Variants in SLF2 observed in about 807,000 individuals in gnomAD.
The protein encoded by SLF2 is SMC5/6 complex localization factor 2, also known as SMC5-SMC6 complex localization factor protein 2.
In SLF2, 68 loss-of-function variants were observed where a neutral mutation model predicts 124.3. The ratio of observed to expected loss-of-function variants is 0.55; its 90% CI spans 0.45 to 0.67. The LOEUF is 0.67. Ranked by LOEUF, SLF2 falls within the 30% of genes least tolerant of loss-of-function variation. The pLI is 0.00. For synonymous variants in SLF2, 480 were observed against 478.8 expected (o/e 1.00, Z -0.03); for missense variants, 1,246 against 1,373.7 (o/e 0.91, Z 1.47).
Position 100,924,458 on chromosome 10 carries a change from T to G in SLF2, c.1457T>G (p.Leu486Arg). 1 of 1,614,160 alleles carries G rather than the reference T, an allele frequency of 6.2e-7. No homozygotes were observed. Among genetic ancestry groups the G allele is most frequent in the Non-Finnish European group, 8.5e-7 (1 of 1,180,028 alleles). Residue 486 changes from leucine (L) to arginine (R), a missense_variant, in exon 5 of 20, where the codon CTA becomes CGA. Physicochemically the swap from Leu to Arg is moderately radical, Grantham distance 102. Around this residue, in one of 3 missense-constraint regions of SLF2, gnomAD observed 698 missense variants for 708.9 expected, o/e 0.98. Transcript: ENST00000238961. The part of the protein sequence containing the change: ...LSRVPSAGSS[L>R]VPLNAKNCAL... The stretch of plus-strand genomic sequence containing the variant: ...CGTGTTCCAAGTGCTGGTTCCTCTC[T>G]AGTACCATTAAATGCTAAAAATTGT...
In SLF2 at chr10:100,917,002, C is replaced by T. The variant is rs778821263; in HGVS notation, c.617C>T (p.Ala206Val). 8.7e-6 allele frequency: 14 copies of T among 1,613,996 alleles called. No individual in the cohort carries two copies. In the South Asian group the frequency reaches 1.5e-4, roughly 18 times the overall value. ...DSKKQTTVAE[A>V]DIFNNSSRSL... The stretch of plus-strand genomic sequence containing the variant: ...AAAAAGCAGACCACAGTGGCAGAAG[C>T]TGACATCTTCAATAACAGCTCCAGA... The change falls in exon 3 of 20, where the codon GCT becomes GTT. Residue 206 changes from alanine (A) to valine (V), a missense_variant. Physicochemically the swap from Ala to Val is moderately conservative, Grantham distance 64. Coordinates refer to ENST00000238961, the MANE Select transcript of SLF2 (RefSeq NM_018121.4).
rs771370184 is a variant in SLF2 at position 100,950,089 on chromosome 10, A to C, written c.3134A>C (p.His1045Pro). The change falls in exon 16 of 20, where the codon CAT becomes CCT. Residue 1045 changes from histidine to proline, a missense_variant. Around this residue, in one of 3 missense-constraint regions of SLF2, gnomAD observed 535 missense variants for 632.8 expected, o/e 0.85. Transcript: ENST00000238961. Reference sequence around the variant, plus strand: ...TTCTTTTGATAGGTATCAGTCCTACATCGCTATCTTGTGCAGATGAAGCCT... The same window carrying C: ...TTCTTTTGATAGGTATCAGTCCTACCTCGCTATCTTGTGCAGATGAAGCCT... ...NASNLQVSVL[H>P]RYLVQMKPSD... The C allele has an allele frequency of 6.2e-7, 1 of 1,611,480 alleles. No individual in the cohort carries two copies. The highest frequency in any genetic ancestry group is 1.7e-5 in the Admixed American group (1 of 59,678).
intron 18 of SLF2, 108 bp from the exon 19 acceptor site, chr10:100,959,320 G>T: frequency 1.1e-6 from 1 of 913,636 alleles, no homozygotes. Context: ...AAATTGAGTT[G>T]TTGAGTGTGG....
At chr10:100,959,346 C>G in intron 18 of SLF2, 82 bp from the exon 19 acceptor site, 1 of 1,303,716 alleles carries the variant, frequency 7.7e-7, no homozygotes, top group Non-Finnish European at 1.0e-6. Context: ...TTGCAGCTGT[C>G]AGATATTTTG....
chr10:100,938,561 G>A (rs1849908090), intron 10 of SLF2, 34 bp from the exon 11 acceptor site: 8 of 1,589,550 alleles, frequency 5.0e-6, no homozygotes, highest in African/African-American at 1.4e-5. Context: ...GTAGACCACA[G>A]ATTTAGAATG....
chr10:100,950,045 T>A (rs1850180180), intron 15 of SLF2, 31 bp from the exon 16 acceptor site: 1 of 1,532,072 alleles, frequency 6.5e-7, no homozygotes, highest in Admixed American at 2.0e-5. Flanking sequence ...ATTATTTAGC[T>A]TTGTTCAATG....
At chr10:100,940,713 T>C (rs1849954392) in intron 11 of SLF2, among the ~76,000 whole-genome samples, 1 of 131,836 alleles carries the variant, frequency 7.6e-6, no homozygotes, top group Non-Finnish European at 1.6e-5. Context: ...TTTCTTCTCT[T>C]CCTTCCCCTC....
At chr10:100,958,624 A>T (rs150556914) in intron 18 of SLF2, among the ~76,000 whole-genome samples, 1 of 152,250 alleles carries the variant, frequency 6.6e-6, no homozygotes, top group Non-Finnish European at 1.5e-5. Context: ...GCTGAAATAG[A>T]TGAGTTGCCT....
chr10:100,949,107 G>C (rs1850162846), intron 15 of SLF2, among the ~76,000 whole-genome samples: 1 of 152,160 alleles, frequency 6.6e-6, no homozygotes, highest in African/African-American at 2.4e-5. Flanking sequence ...GAGATGCTGT[G>C]GGATGGAGAG....
intron 9 of SLF2, 52 bp from the exon 10 acceptor site, chr10:100,937,350 T>A: frequency 3.7e-6 from 5 of 1,369,724 alleles, no homozygotes; most frequent in Non-Finnish European, 4.2e-6. Flanking sequence ...AAATAATGAA[T>A]GTTTGTGTTT....
chr10:100,933,936 C>T (rs1160490415), intron 9 of SLF2, among the ~76,000 whole-genome samples: 1 of 152,218 alleles, frequency 6.6e-6, no homozygotes, highest in Non-Finnish European at 1.5e-5. Context: ...ACCTCGGCCT[C>T]CCAAAGTTCT....
At chr10:100,959,618 T>G (rs779583510) in intron 19 of SLF2, 122 bp downstream of exon 19, 1 of 1,410,300 alleles carries the variant, frequency 7.1e-7, no homozygotes, top group Non-Finnish European at 9.3e-7. Context: ...TAAGATAAAC[T>G]GAAAACGCCA....
In SLF2 at chr10:100,950,218, C is replaced by G. The variant is rs1466873266; in HGVS notation, c.3252+11C>G. 1 of 1,611,110 alleles carries G rather than the reference C, an allele frequency of 6.2e-7. No homozygotes were observed. The highest frequency in any genetic ancestry group is 1.3e-5 in the African/African-American group (1 of 74,812). ...GAACTTGAAAAGCAGGTATCCAGTG[C>G]TAGAAGGTCTCAAAGAGTACATAGA... On this transcript the variant is annotated intron_variant, in intron 16 of 19. Coordinates refer to ENST00000238961, the MANE Select transcript of SLF2 (RefSeq NM_018121.4).
chr10:100,938,521 T>C, intron 10 of SLF2, 74 bp from the exon 11 acceptor site: 1 of 1,429,514 alleles, frequency 7.0e-7, no homozygotes, highest in African/African-American at 1.4e-5. Flanking sequence ...ATGTTTCACC[T>C]GCAGACTGTC....
intron 6 of SLF2, 113 bp downstream of exon 6, chr10:100,926,132 T>G (rs2133771634): frequency 1.3e-6 from 2 of 1,579,154 alleles, no homozygotes; most frequent in East Asian, 4.6e-5. Context: ...CATTTTGGAC[T>G]CTGTTGTCAA....
rs547443824 is a variant in SLF2 at position 100,930,093 on chromosome 10, T to C, written c.2333+96T>C. The C allele has an allele frequency of 1.5e-5, 11 of 749,550 alleles. No individual in the cohort carries two copies. The South Asian group carries it at 3.1e-4, about 21-fold the overall frequency. The allele number at this position is 749,550 out of a possible 1,614,324, so 46.4% of individuals were successfully genotyped here. On this transcript the variant is annotated intron_variant, in intron 8 of 19. Transcript: ENST00000238961. The stretch of plus-strand genomic sequence containing the variant: ...AATCTTCTAAAAGGTTAATTTCTAT[T>C]ATGACCTATTAAGTTTCCTAATCCT...
chr10:100,917,960 G>A (rs569591530), intron 3 of SLF2, among the ~76,000 whole-genome samples: 15 of 152,270 alleles, frequency 9.9e-5, no homozygotes, highest in South Asian at 6.2e-4. Context: ...GGTGGCATGT[G>A]CCTGTTCTCC....
At chr10:100,941,579 C>T (rs1046995288) in intron 11 of SLF2, among the ~76,000 whole-genome samples, 2 of 152,142 alleles carry the variant, frequency 1.3e-5, no homozygotes, top group African/African-American at 4.8e-5. Flanking sequence ...TGCAGGAACT[C>T]GCTCTCTACT....
In SLF2 at chr10:100,937,314, A is replaced by G. The variant is rs559427895; in HGVS notation, c.2437-88A>G. 18 of 1,081,990 alleles carry G rather than the reference A, an allele frequency of 1.7e-5. No homozygotes were observed. In the Admixed American group the frequency reaches 2.6e-4, roughly 15 times the overall value. 67.0% of individuals were successfully genotyped at this position (1,081,990 alleles called of 1,614,324 possible). A position where few individuals can be genotyped will look rare whatever the true frequency, so the allele number is the denominator to read the frequency against. ...GCATGAACTGCTGCGCCTGGCCTAC[A>G]TAAAACAACTTTATATGTGCCTAGC... On this transcript the variant is annotated intron_variant, in intron 9 of 19. Transcript: ENST00000238961.
Sources: gnomAD v4.1 joint callset for allele counts (sites outside exome capture counted in the v4.1 genomes callset) on GRCh38, gnomAD v4.1.1 for gene constraint, gnomAD v4.1.1 regional missense constraint, MANE v1.5 for transcripts, NCBI Gene and HGNC (gene_info 2026-07-23, HGNC 2026-07-21) for gene names.